ARL8B: variants seen among roughly 807,000 people sequenced by gnomAD.
ARL8B encodes the protein ADP-ribosylation factor-like protein 8B.
A neutral mutation model predicts 30.6 loss-of-function variants in ARL8B; 9 were observed. That is an observed-to-expected ratio of 0.29 (90% CI 0.18 to 0.51). The LOEUF (loss-of-function observed/expected upper bound fraction) is 0.51, where lower values mean the gene tolerates loss of function less well. Ranked by LOEUF, ARL8B falls within the 20% of genes least tolerant of loss-of-function variation. The pLI, the probability that ARL8B is intolerant of heterozygous loss-of-function variation, is 0.97. For missense variants in ARL8B, 130 were observed against 227.2 expected (o/e 0.57, Z 2.75); for synonymous variants, 74 against 76.0 (o/e 0.97, Z 0.14).
intron 1 of ARL8B, among the ~76,000 whole-genome samples, chr3:5,141,125 T>G (rs985905710): frequency 3.9e-5 from 6 of 152,190 alleles, no homozygotes; most frequent in African/African-American, 1.4e-4. Context: ...ATAATGAAAC[T>G]TTCTCCCCTT....
intron 1 of ARL8B, among the ~76,000 whole-genome samples, chr3:5,165,745 G>A (rs1368242481): frequency 1.3e-5 from 2 of 152,100 alleles, no homozygotes; most frequent in Non-Finnish European, 2.9e-5. Context: ...GTATTGGACC[G>A]CTGCTATAGA....
At chr3:5,130,439 G>A (rs1248556089) in intron 1 of ARL8B, among the ~76,000 whole-genome samples, 1 of 151,842 alleles carries the variant, frequency 6.6e-6, no homozygotes, top group Non-Finnish European at 1.5e-5. Context: ...TTGGTAGATT[G>A]CATATTCCAT....
At chr3:5,155,942 A>G (rs7613193) in intron 1 of ARL8B, among the ~76,000 whole-genome samples, 52 of 151,092 alleles carry the variant, frequency 3.4e-4, no homozygotes, top group African/African-American at 1.1e-3. Flanking sequence ...TTGCTCTGTC[A>G]CCTAGGCTGG....
At chr3:5,143,620 C>T (rs531711659) in intron 1 of ARL8B, among the ~76,000 whole-genome samples, 24 of 152,324 alleles carry the variant, frequency 1.6e-4, no homozygotes, top group Admixed American at 3.3e-4. Flanking sequence ...GCCGTTTGCA[C>T]GGCCATCTTA....
At chr3:5,149,364 C>T (rs1188072317) in intron 1 of ARL8B, among the ~76,000 whole-genome samples, 1 of 152,260 alleles carries the variant, frequency 6.6e-6, no homozygotes, top group South Asian at 2.1e-4. Flanking sequence ...CGGAGTTCCA[C>T]TCCATGCAGG....
At chr3:5,132,923 G>C (rs925227083) in intron 1 of ARL8B, among the ~76,000 whole-genome samples, 7 of 152,174 alleles carry the variant, frequency 4.6e-5, no homozygotes, top group African/African-American at 1.7e-4. Context: ...ATTTAGTAAG[G>C]CTGTTTGCTG....
At chr3:5,171,361 T>C (rs1386644594) in intron 2 of ARL8B, among the ~76,000 whole-genome samples, 1 of 152,300 alleles carries the variant, frequency 6.6e-6, no homozygotes, top group Non-Finnish European at 1.5e-5. Flanking sequence ...TTTTATTTTA[T>C]TTTTTTGAGA....
intron 1 of ARL8B, among the ~76,000 whole-genome samples, chr3:5,123,573 A>G (rs903733784): frequency 6.6e-6 from 1 of 152,166 alleles, no homozygotes; most frequent in African/African-American, 2.4e-5. Context: ...TGTACACGCC[A>G]GGGGAGTTTT....
intron 3 of ARL8B, 26 bp from the exon 4 acceptor site, chr3:5,172,621 T>C: frequency 1.3e-6 from 2 of 1,496,264 alleles, no homozygotes; most frequent in Non-Finnish European, 1.9e-6. Flanking sequence ...AGAGAAGGTA[T>C]GTTGAGATCA....
At chr3:5,158,503 C>A (rs540070130) in intron 1 of ARL8B, among the ~76,000 whole-genome samples, 54 of 152,198 alleles carry the variant, frequency 3.5e-4, no homozygotes, top group African/African-American at 1.2e-3. Context: ...TGGTTATCTC[C>A]ATTTTATATT....
At chr3:5,141,180 C>T (rs948340992) in intron 1 of ARL8B, among the ~76,000 whole-genome samples, 1 of 152,156 alleles carries the variant, frequency 6.6e-6, no homozygotes, top group Non-Finnish European at 1.5e-5. Flanking sequence ...TTATCATGAC[C>T]TTCTGGGTGC....
chr3:5,125,399 G>C (rs1256821121), intron 1 of ARL8B, among the ~76,000 whole-genome samples: 2 of 152,128 alleles, frequency 1.3e-5, no homozygotes, highest in African/African-American at 4.8e-5. Context: ...TGCAGTAGTG[G>C]ATTTATGGAT....
rs148307422 is a variant in ARL8B, at chr3:5,130,295, G to A, written c.123+7707G>A. On this transcript the variant is annotated intron_variant, in intron 1 of 6. Transcript: ENST00000256496. ...CTGCCTCAGCCTCCCAAAGTGCTGA[G>A]ATTACAGGCAGGAGCCACCACGCCT... is the stretch of plus-strand genomic sequence containing the variant. Among the ~76,000 whole-genome samples the A allele has an allele frequency of 8.9e-3, 1,349 of 152,150 alleles. 17 individuals are homozygous for A. The highest frequency in any genetic ancestry group is 0.031 in the African/African-American group (1,266 of 41,500).
chr3:5,161,943 C>G (rs1374225522), intron 1 of ARL8B, among the ~76,000 whole-genome samples: 1 of 152,106 alleles, frequency 6.6e-6, no homozygotes, highest in South Asian at 2.1e-4. Context: ...TGTTGAATTA[C>G]TGACTGATGG....
intron 1 of ARL8B, among the ~76,000 whole-genome samples, chr3:5,147,684 C>T (rs949873317): frequency 5.9e-5 from 9 of 152,058 alleles, no homozygotes; most frequent in Middle Eastern, 3.2e-3. Context: ...TTACAAAGAC[C>T]TTCTGAGCTT....
At chr3:5,155,991 C>A (rs997451613) in intron 1 of ARL8B, among the ~76,000 whole-genome samples, 1 of 151,986 alleles carries the variant, frequency 6.6e-6, no homozygotes, top group South Asian at 2.1e-4. Flanking sequence ...CAACCTCCGC[C>A]TCCTAGGTTC....
chr3:5,130,506 T>C (rs932711745), intron 1 of ARL8B, among the ~76,000 whole-genome samples: 11 of 152,106 alleles, frequency 7.2e-5, no homozygotes, highest in African/African-American at 2.7e-4. Flanking sequence ...TATAGTGGGA[T>C]GCTGCTTGCT....
intron 1 of ARL8B, among the ~76,000 whole-genome samples, chr3:5,137,419 A>G (rs1575561262): frequency 6.8e-6 from 1 of 148,126 alleles, no homozygotes; most frequent in African/African-American, 2.5e-5. Flanking sequence ...GGCACAAGGG[A>G]CCAGTTTTTA....
chr3:5,122,292 A>G lies in ARL8B; in HGVS notation c.-174A>G. ...ACGGGCGTGGGGGGTAGGGCGAGTC[A>G]TATGATCCGCTCGGCTTCCTGGGTC... On this transcript the variant is annotated 5_prime_UTR_variant, in exon 1 of 7. Coordinates refer to ENST00000256496, the MANE Select transcript of ARL8B (RefSeq NM_018184.3). 1.3e-6 allele frequency: 2 copies of G among 1,497,026 alleles called. No homozygotes were observed. Among genetic ancestry groups the G allele is most frequent in the Non-Finnish European group, 1.8e-6 (2 of 1,123,872 alleles). 92.7% of individuals were successfully genotyped at this position (1,497,026 alleles called of 1,614,324 possible). A position where few individuals can be genotyped will look rare whatever the true frequency, so the allele number is the denominator to read the frequency against.
Sources: allele counts gnomAD v4.1 joint callset (sites outside exome capture counted in the v4.1 genomes callset), GRCh38; gene constraint gnomAD v4.1.1; transcripts MANE v1.5; gene names NCBI Gene and HGNC (gene_info 2026-07-23, HGNC 2026-07-21).